Variants in UBXN2A observed in about 807,000 individuals in gnomAD.
UBXN2A encodes the protein UBX domain protein 2A.
A neutral mutation model predicts 28.4 loss-of-function variants in UBXN2A; 28 were observed. The ratio of observed to expected loss-of-function variants is 0.99; its 90% CI spans 0.73 to 1.35. The LOEUF is 1.35. Ranked by LOEUF, UBXN2A falls within the 40% of genes most tolerant of loss-of-function variation. The pLI is 0.00. For missense variants in UBXN2A, 253 were observed against 297.9 expected, an observed-to-expected ratio of 0.85 and a Z score of 1.11; for synonymous variants, 97 against 103.6, an observed-to-expected ratio of 0.94 and a Z score of 0.39.
chr2:23,958,283 T>G lies in UBXN2A; in HGVS notation c.-14-18T>G. 6.3e-7 allele frequency: 1 copy of G among 1,576,526 alleles called. No homozygotes were observed. The highest frequency in any genetic ancestry group is 8.6e-7 in the Non-Finnish European group (1 of 1,164,436). On this transcript the variant is annotated intron_variant, in intron 1 of 6. Coordinates refer to ENST00000309033, the MANE Select transcript of UBXN2A (RefSeq NM_181713.4). ...TTTACTTACTTTCTTTTTACTTACTTTCTTTGTACTTTTACAGTAAGGCGA... is the reference window on the plus strand; with the variant it reads ...TTTACTTACTTTCTTTTTACTTACTGTCTTTGTACTTTTACAGTAAGGCGA...
Position 23,958,350 on chromosome 2 carries a change from A to G in UBXN2A, c.36A>G (p.Glu12=). 6.2e-7 allele frequency: 1 copy of G among 1,605,504 alleles called. No homozygotes were observed. The highest frequency in any genetic ancestry group is 8.5e-7 in the Non-Finnish European group (1 of 1,177,380). ...TAGATAACCTCAAAAGTATAAAAGA[A>G]GAATGGTAAGTTAATTCAAACTGAA... ...KDVDNLKSIK[E]EWVCETGSDN... The change falls in exon 2 of 7, where the codon GAA becomes GAG. Residue 12 remains glutamate, a synonymous_variant. Transcript: ENST00000309033.
intron 6 of UBXN2A, among the ~76,000 whole-genome samples, chr2:23,995,273 C>A (rs1016383843): frequency 2.0e-5 from 3 of 151,768 alleles, no homozygotes; most frequent in Non-Finnish European, 4.4e-5. Context: ...AGTGAAAAAA[C>A]CAGTGTAAAT....
intron 6 of UBXN2A, among the ~76,000 whole-genome samples, chr2:23,989,023 G>C (rs959930895): frequency 2.0e-5 from 3 of 151,962 alleles, no homozygotes; most frequent in Non-Finnish European, 4.4e-5. Flanking sequence ...TGACAATCCA[G>C]GATCTGGGTA....
intron 2 of UBXN2A, among the ~76,000 whole-genome samples, chr2:23,958,914 T>A (rs1706769494): frequency 6.6e-6 from 1 of 152,138 alleles, no homozygotes; most frequent in Non-Finnish European, 1.5e-5. Context: ...AATCATAGCT[T>A]GTTGGAGCCT....
chr2:23,972,205 A>G (rs1458948082), intron 3 of UBXN2A, among the ~76,000 whole-genome samples: 1 of 152,222 alleles, frequency 6.6e-6, no homozygotes, highest in Non-Finnish European at 1.5e-5. Flanking sequence ...GAATCAAGGC[A>G]GTGGCAACAA....
intron 1 of UBXN2A, among the ~76,000 whole-genome samples, chr2:23,930,612 A>G (rs2150781312): frequency 6.6e-6 from 1 of 152,068 alleles, no homozygotes; most frequent in South Asian, 2.1e-4. Context: ...TAATCCTAGC[A>G]CTTTGGGAGG....
At chr2:23,973,721 C>T (rs1180080792) in intron 3 of UBXN2A, among the ~76,000 whole-genome samples, 3 of 151,788 alleles carry the variant, frequency 2.0e-5, no homozygotes, top group Admixed American at 6.6e-5. Flanking sequence ...CAACCTCTGC[C>T]TTCTGGATTC....
chr2:23,954,753 T>C (rs1706532679), intron 1 of UBXN2A, among the ~76,000 whole-genome samples: 1 of 151,060 alleles, frequency 6.6e-6, no homozygotes, highest in South Asian at 2.1e-4. Flanking sequence ...CATTTTTGCA[T>C]ATCTTTTTTT....
chr2:23,978,828 G>A (rs1452034078), intron 4 of UBXN2A, among the ~76,000 whole-genome samples: 1 of 148,852 alleles, frequency 6.7e-6, no homozygotes, highest in Non-Finnish European at 1.5e-5. Context: ...CACGCATCGT[G>A]GCACGTGCCT....
At chr2:23,957,328 A>C (rs116417004) in intron 1 of UBXN2A, among the ~76,000 whole-genome samples, 3,897 of 151,596 alleles carry the variant, frequency 0.026, 166 homozygotes, top group African/African-American at 0.09. Context: ...TCTGAGATGA[A>C]GTCTTGTTCT....
At chr2:23,980,961 GT>G (rs1458438381) in intron 4 of UBXN2A, among the ~76,000 whole-genome samples, 1 of 151,952 alleles carries the variant, frequency 6.6e-6, no homozygotes, top group African/African-American at 2.4e-5. Context: ...TTGCCTTTTT[GT>G]TAAGTTGTAA....
intron 1 of UBXN2A, among the ~76,000 whole-genome samples, chr2:23,948,031 T>C (rs1706173993): frequency 6.6e-6 from 1 of 151,678 alleles, no homozygotes; most frequent in African/African-American, 2.4e-5. Context: ...ATTTTTGTGT[T>C]TTTAATAGAG....
intron 4 of UBXN2A, among the ~76,000 whole-genome samples, chr2:23,978,528 C>T (rs184397556): frequency 6.6e-6 from 1 of 151,904 alleles, no homozygotes; most frequent in Non-Finnish European, 1.5e-5. Flanking sequence ...CCTGTAGTCC[C>T]AGCTACTTGG....
intron 1 of UBXN2A, among the ~76,000 whole-genome samples, chr2:23,941,882 G>A (rs566282439): frequency 4.6e-5 from 7 of 152,116 alleles, no homozygotes; most frequent in Non-Finnish European, 7.4e-5. Flanking sequence ...AGACCAGCCT[G>A]GCTAACATGG....
At chr2:23,928,195 AAG>A (rs1291514539) in intron 1 of UBXN2A, among the ~76,000 whole-genome samples, 4 of 151,244 alleles carry the variant, frequency 2.6e-5, no homozygotes, top group Non-Finnish European at 4.4e-5. Flanking sequence ...AAAAAGAAGA[AAG>A]AGAGAGAGAA....
At chr2:23,967,203 C>T (rs559569484) in intron 2 of UBXN2A, among the ~76,000 whole-genome samples, 2 of 152,264 alleles carry the variant, frequency 1.3e-5, no homozygotes, top group East Asian at 1.9e-4. Context: ...CTCCCTGCCA[C>T]CTAGCATGTA....
chr2:24,003,560 C>T lies in UBXN2A; in HGVS notation c.*3693C>T, dbSNP rs547025074. ...TCCCAGCCTTCCATGGGGCAGAAGGCTCTTTTAATTAGGAAGAGAGGGAGG... is the reference window on the plus strand; with the variant it reads ...TCCCAGCCTTCCATGGGGCAGAAGGTTCTTTTAATTAGGAAGAGAGGGAGG... On this transcript the variant is annotated 3_prime_UTR_variant, in exon 7 of 7. Transcript: ENST00000309033. The T allele has an allele frequency of 3.9e-5, 6 of 152,150 alleles. No homozygotes were observed. Among genetic ancestry groups the T allele is most frequent in the African/African-American group, 1.4e-4 (6 of 41,524 alleles). The allele number at this position is 152,150 out of a possible 1,614,324, so 9.4% of individuals were successfully genotyped here.
At chr2:23,986,171 G>T (rs543629034) in intron 6 of UBXN2A, among the ~76,000 whole-genome samples, 3 of 151,904 alleles carry the variant, frequency 2.0e-5, no homozygotes, top group African/African-American at 7.2e-5. Context: ...TTAGCCGGGC[G>T]TGGTGGTGGG....
At chr2:23,977,633 C>A (rs757060987) in intron 4 of UBXN2A, among the ~76,000 whole-genome samples, 4 of 152,088 alleles carry the variant, frequency 2.6e-5, no homozygotes, top group Non-Finnish European at 4.4e-5. Context: ...AAGAGCAAAA[C>A]TCCATCTCAA....
Sources: allele counts gnomAD v4.1 joint callset (sites outside exome capture counted in the v4.1 genomes callset), GRCh38; gene constraint gnomAD v4.1.1; transcripts MANE v1.5; gene names NCBI Gene and HGNC (gene_info 2026-07-23, HGNC 2026-07-21).